Variants in HPSE2 observed in about 807,000 individuals in gnomAD.
HPSE2 encodes inactive heparanase-2.
Under a neutral mutation model 60.5 loss-of-function variants are expected in HPSE2, and 38 were observed. The ratio of observed to expected loss-of-function variants is 0.63; its 90% CI spans 0.48 to 0.82. The LOEUF is 0.82. Among genes scored for constraint, HPSE2 ranks in the 40% least tolerant of loss-of-function variants. The pLI, the probability that HPSE2 is intolerant of heterozygous loss-of-function variation, is 0.00. For synonymous variants in HPSE2, 295 were observed against 293.2 expected, an observed-to-expected ratio of 1.01 and a Z score of -0.06; for missense variants, 713 against 740.4, an observed-to-expected ratio of 0.96 and a Z score of 0.43.
rs575856135 is a variant in HPSE2, at chr10:98,723,749, C to T, written c.785-1921G>A. On this transcript the variant is annotated intron_variant, in intron 4 of 11. Coordinates refer to ENST00000370552, the MANE Select transcript of HPSE2 (RefSeq NM_021828.5). ...ACTTCTAGATTTTCTAGTTTATTTG[C>T]GTAGAGGTGTTTATAGTATTCTCTG... 1.8e-3 allele frequency among the ~76,000 whole-genome samples: 281 copies of T among 152,206 alleles called. 5 individuals are homozygous for T. Among genetic ancestry groups the T allele is most frequent in the African/African-American group, 1.8e-3 (73 of 41,536 alleles).
At chr10:98,931,504 A>G (rs1564666105) in intron 3 of HPSE2, among the ~76,000 whole-genome samples, 1 of 143,994 alleles carries the variant, frequency 6.9e-6, no homozygotes, top group East Asian at 2.0e-4. Flanking sequence ...TTCTGTGAAG[A>G]ATGTCAATGG....
intron 2 of HPSE2, among the ~76,000 whole-genome samples, chr10:99,227,577 T>A (rs1423833796): frequency 6.6e-5 from 10 of 151,906 alleles, no homozygotes; most frequent in Non-Finnish European, 1.5e-4. Context: ...GGAATATGTG[T>A]TGAAAGTGTA....
At chr10:98,812,832 CT>C in intron 3 of HPSE2, among the ~76,000 whole-genome samples, 1 of 152,126 alleles carries the variant, frequency 6.6e-6, no homozygotes. Context: ...TCCATAAAAG[CT>C]TTTTTACAAT....
intron 7 of HPSE2, among the ~76,000 whole-genome samples, chr10:98,621,523 A>T: frequency 6.6e-6 from 1 of 152,212 alleles, no homozygotes; most frequent in East Asian, 1.9e-4. Flanking sequence ...CTCAAGAAAT[A>T]ATACCAAGGA....
intron 3 of HPSE2, among the ~76,000 whole-genome samples, chr10:99,115,633 C>T (rs754926612): frequency 6.6e-6 from 1 of 152,084 alleles, no homozygotes; most frequent in Non-Finnish European, 1.5e-5. Flanking sequence ...CAATGCAATG[C>T]TTTTACTGTA....
Position 99,067,131 on chromosome 10 carries a change from C to T in HPSE2, c.610+77107G>A, listed in dbSNP as rs148940861. 7.0e-4 allele frequency among the ~76,000 whole-genome samples: 106 copies of T among 152,320 alleles called. 1 individual carries two copies. The highest frequency in any genetic ancestry group is 2.5e-3 in the African/African-American group (104 of 41,576). ...CTCCATGTCTCACATACAGGTCATG[C>T]TGATTCGAGAGGTGGGCTCCCACAG... On this transcript the variant is annotated intron_variant, in intron 3 of 11. Transcript: ENST00000370552.
chr10:98,521,052 G>A (rs1369520077), intron 9 of HPSE2, among the ~76,000 whole-genome samples: 1 of 152,138 alleles, frequency 6.6e-6, no homozygotes, highest in African/African-American at 2.4e-5. Context: ...AGAAAACCTA[G>A]GCAATACCAT....
intron 3 of HPSE2, among the ~76,000 whole-genome samples, chr10:98,753,755 C>T (rs760645314): frequency 3.3e-5 from 5 of 152,130 alleles, no homozygotes; most frequent in Non-Finnish European, 5.9e-5. Flanking sequence ...AGCTGAGCCT[C>T]GGCCCCTGAA....
At chr10:99,266,472 C>G in the HPSE2 span, among the ~76,000 whole-genome samples, 1 of 152,096 alleles carries the variant, frequency 6.6e-6, no homozygotes, top group East Asian at 1.9e-4. Flanking sequence ...ACACCCATCC[C>G]CCACAGCAGC....
chr10:98,464,199 A>G (rs1035877604), intron 11 of HPSE2, among the ~76,000 whole-genome samples: 1 of 152,254 alleles, frequency 6.6e-6, no homozygotes, highest in African/African-American at 2.4e-5. Flanking sequence ...AAGTTCATTT[A>G]AAACTGTTCT....
chr10:99,257,723 T>G, the HPSE2 span, among the ~76,000 whole-genome samples: 1 of 152,324 alleles, frequency 6.6e-6, no homozygotes, highest in African/African-American at 2.4e-5. Flanking sequence ...TTGTGAAGTA[T>G]GTGATCTCTG....
intron 3 of HPSE2, among the ~76,000 whole-genome samples, chr10:98,978,314 A>G (rs1397566388): frequency 1.3e-5 from 2 of 152,118 alleles, no homozygotes; most frequent in Non-Finnish European, 2.9e-5. Context: ...GTTATTTATT[A>G]TTTGTTTTGT....
chr10:99,221,589 T>C (rs529259728), intron 2 of HPSE2, among the ~76,000 whole-genome samples: 2 of 152,286 alleles, frequency 1.3e-5, no homozygotes, highest in South Asian at 4.1e-4. Flanking sequence ...CACTTTGAGC[T>C]AAGATAGCAA....
At chr10:99,133,882 C>A (rs9663755) in intron 3 of HPSE2, among the ~76,000 whole-genome samples, 1 of 152,034 alleles carries the variant, frequency 6.6e-6, no homozygotes, top group Non-Finnish European at 1.5e-5. Context: ...TTTGACAGAT[C>A]GACAGAAGTA....
intron 9 of HPSE2, among the ~76,000 whole-genome samples, chr10:98,540,284 T>C (rs1194385011): frequency 6.6e-6 from 1 of 152,262 alleles, no homozygotes; most frequent in East Asian, 1.9e-4. Context: ...CATTTATTCA[T>C]ACATATGTTT....
chr10:98,688,461 A>ATTTTTTTTTTTTTTT (rs1177094247), intron 6 of HPSE2, among the ~76,000 whole-genome samples: 3 of 50,058 alleles, frequency 6.0e-5, no homozygotes, highest in Non-Finnish European at 1.4e-4. Context: ...TTCCTTTAGC[A>ATTTTTTTTTTTTTTT]TTTCTTTTTT....
At chr10:98,649,920 C>T (rs1946872208) in intron 6 of HPSE2, among the ~76,000 whole-genome samples, 1 of 152,120 alleles carries the variant, frequency 6.6e-6, no homozygotes, top group East Asian at 1.9e-4. Flanking sequence ...ACTTCAGATC[C>T]CATTCACCTG....
At chr10:98,689,439 C>CTTT (rs1037645046) in intron 6 of HPSE2, among the ~76,000 whole-genome samples, 19 of 152,028 alleles carry the variant, frequency 1.2e-4, no homozygotes, top group African/African-American at 4.6e-4. Context: ...CCATTTGGTT[C>CTTT]TTTTTTATAG....
chr10:99,110,852 T>C (rs1006780609), intron 3 of HPSE2, among the ~76,000 whole-genome samples: 2 of 152,232 alleles, frequency 1.3e-5, no homozygotes, highest in Non-Finnish European at 2.9e-5. Context: ...TTGTCATCTA[T>C]ATTTTCTCCT....
Sources: gnomAD v4.1 joint callset for allele counts (sites outside exome capture counted in the v4.1 genomes callset) on GRCh38, gnomAD v4.1.1 for gene constraint, MANE v1.5 for transcripts, NCBI Gene and HGNC (gene_info 2026-07-23, HGNC 2026-07-21) for gene names.